The following SNTG2 variants were observed in gnomAD, a reference collection of about 807,000 sequenced individuals.
SNTG2 encodes the protein syntrophin gamma 2.
A neutral mutation model predicts 70.9 loss-of-function variants in SNTG2; 74 were observed. The ratio of observed to expected loss-of-function variants is 1.04; its 90% CI spans 0.86 to 1.27. The LOEUF (loss-of-function observed/expected upper bound fraction) is 1.27. Ranked by LOEUF, SNTG2 falls within the 50% of genes most tolerant of loss-of-function variation. The pLI, the probability that SNTG2 is intolerant of heterozygous loss-of-function variation, is 0.00. For missense variants in SNTG2, 717 were observed against 690.7 expected, an observed-to-expected ratio of 1.04 and a Z score of -0.43; for synonymous variants, 278 against 273.8, an observed-to-expected ratio of 1.02 and a Z score of -0.15.
chr2:1,310,801 C>T (rs1268860762), intron 15 of SNTG2, among the ~76,000 whole-genome samples: 1 of 152,170 alleles, frequency 6.6e-6, no homozygotes, highest in African/African-American at 2.4e-5. Flanking sequence ...GAACTGTCTC[C>T]AGAGTCAGCC....
At chr2:968,056 G>C (rs956505359) in intron 1 of SNTG2, among the ~76,000 whole-genome samples, 1 of 151,688 alleles carries the variant, frequency 6.6e-6, no homozygotes, top group Non-Finnish European at 1.5e-5. Flanking sequence ...TCTTTTTATA[G>C]TTCCACAGAT....
chr2:1,100,067 A>G (rs572714274), intron 4 of SNTG2, among the ~76,000 whole-genome samples: 1 of 152,326 alleles, frequency 6.6e-6, no homozygotes, highest in African/African-American at 2.4e-5. Flanking sequence ...AAGTGTGATA[A>G]GAAATACAGG....
chr2:1,119,575 AAAT>A (rs1667253956), intron 4 of SNTG2, among the ~76,000 whole-genome samples: 1 of 151,588 alleles, frequency 6.6e-6, no homozygotes, highest in Non-Finnish European at 1.5e-5. Context: ...TTGTATAAAA[AAAT>A]GTAAGTTGTC....
intron 10 of SNTG2, among the ~76,000 whole-genome samples, chr2:1,238,617 G>A (rs1676841048): frequency 6.6e-6 from 1 of 152,226 alleles, no homozygotes. Flanking sequence ...CACGGGCGTT[G>A]CCTGGAGTGA....
chr2:1,259,366 G>T lies in SNTG2; in HGVS notation c.1006-4G>T, dbSNP rs767039411. The T allele has an allele frequency of 2.5e-6, 4 of 1,613,676 alleles. No individual in the cohort carries two copies. The highest frequency in any genetic ancestry group is 1.1e-5 in the South Asian group (1 of 90,982). ...TTTCATGGAACGTTCTCTGTTTCTT[G>T]CAGGTGAGCACATTCGATTGGGTGC... On this transcript the variant is annotated splice_region_variant and splice_polypyrimidine_tract_variant and intron_variant, in intron 12 of 16. Coordinates refer to ENST00000308624, the MANE Select transcript of SNTG2 (RefSeq NM_018968.4).
chr2:1,206,324 G>A (rs1673631941), intron 8 of SNTG2, among the ~76,000 whole-genome samples: 1 of 152,162 alleles, frequency 6.6e-6, no homozygotes, highest in Admixed American at 6.5e-5. Flanking sequence ...CGGGCACCCT[G>A]CACATACTCT....
At chr2:986,067 T>TAGAGAGAGAA (rs1661306529) in intron 1 of SNTG2, among the ~76,000 whole-genome samples, 1 of 129,718 alleles carries the variant, frequency 7.7e-6, no homozygotes, top group Non-Finnish European at 1.6e-5. Flanking sequence ...CTGCAAATAA[T>TAGAGAGAGAA]AGAGAGAGAG....
intron 1 of SNTG2, among the ~76,000 whole-genome samples, chr2:1,036,373 G>C (rs567067494): frequency 6.6e-6 from 1 of 151,204 alleles, no homozygotes; most frequent in East Asian, 1.9e-4. Context: ...TTTCTCAAAC[G>C]TTTAGAAGAA....
chr2:1,205,072 C>CT (rs1673546375), intron 8 of SNTG2, among the ~76,000 whole-genome samples: 1 of 151,680 alleles, frequency 6.6e-6, no homozygotes, highest in Non-Finnish European at 1.5e-5. Context: ...TTTTTTTAAC[C>CT]TTTTTATATT....
intron 13 of SNTG2, among the ~76,000 whole-genome samples, chr2:1,264,822 A>G (rs1413992140): frequency 6.6e-6 from 1 of 152,164 alleles, no homozygotes; most frequent in Non-Finnish European, 1.5e-5. Flanking sequence ...CAGCCTCCCA[A>G]TTAGTTGTGA....
intron 7 of SNTG2, among the ~76,000 whole-genome samples, chr2:1,169,392 G>T (rs67354056): frequency 6.6e-6 from 1 of 152,032 alleles, no homozygotes; most frequent in Admixed American, 6.5e-5. Flanking sequence ...TGGGTGCTGC[G>T]TCTAAGCCAG....
intron 16 of SNTG2, among the ~76,000 whole-genome samples, chr2:1,329,093 T>C (rs190431688): frequency 6.6e-6 from 1 of 152,306 alleles, no homozygotes; most frequent in African/African-American, 2.4e-5. Flanking sequence ...GGTTTTTTTT[T>C]CTTTTTTCTT....
At chr2:1,158,692 G>T (rs988887843) in intron 6 of SNTG2, among the ~76,000 whole-genome samples, 6 of 152,188 alleles carry the variant, frequency 3.9e-5, no homozygotes, top group Admixed American at 6.5e-5. Flanking sequence ...AAAGGTGTGT[G>T]CAGGGAAGGG....
intron 14 of SNTG2, among the ~76,000 whole-genome samples, chr2:1,278,413 G>A (rs1388989172): frequency 6.6e-6 from 1 of 152,164 alleles, no homozygotes; most frequent in African/African-American, 2.4e-5. Context: ...GGCACCAGGT[G>A]CTAGTGAGGT....
chr2:1,185,798 C>A (rs562492109), intron 8 of SNTG2, among the ~76,000 whole-genome samples: 1 of 152,312 alleles, frequency 6.6e-6, no homozygotes, highest in African/African-American at 2.4e-5. Context: ...CTAAGAAGGT[C>A]CCTGAAATGT....
chr2:1,137,588 TC>T (rs1364755709), intron 4 of SNTG2, 33 bp from the exon 5 acceptor site: 3 of 1,607,594 alleles, frequency 1.9e-6, no homozygotes, highest in Non-Finnish European at 2.5e-6. Context: ...CTGAGATTTC[TC>T]TTAAAACTGT....
intron 4 of SNTG2, among the ~76,000 whole-genome samples, chr2:1,120,991 G>T (rs1034127742): frequency 5.3e-5 from 8 of 151,492 alleles, no homozygotes; most frequent in African/African-American, 1.9e-4. Context: ...CACATGGATA[G>T]ACCATATATT....
At position 1,231,329 on chromosome 2, in the gene SNTG2, C is replaced by T. The variant is rs181320244; in HGVS notation, c.720-6559C>T. Among the ~76,000 whole-genome samples the T allele has an allele frequency of 1.8e-3, 280 of 152,254 alleles. 4 individuals carry two copies. The highest frequency in any genetic ancestry group is 3.0e-3 in the Non-Finnish European group (203 of 68,016). ...CAATGCCTCTTCCATAGGGTCACTGCGGGGGTGAAATAGATCCGAAACGTG... is the reference window on the plus strand; with the variant it reads ...CAATGCCTCTTCCATAGGGTCACTGTGGGGGTGAAATAGATCCGAAACGTG... On this transcript the variant is annotated intron_variant, in intron 9 of 16. Coordinates refer to ENST00000308624, the MANE Select transcript of SNTG2 (RefSeq NM_018968.4).
chr2:952,365 A>T (rs922194888), intron 1 of SNTG2, among the ~76,000 whole-genome samples: 1 of 152,236 alleles, frequency 6.6e-6, no homozygotes, highest in African/African-American at 2.4e-5. Flanking sequence ...ATTCGAGCAA[A>T]GCAATTCTTG....
Sources: allele counts gnomAD v4.1 joint callset (sites outside exome capture counted in the v4.1 genomes callset), GRCh38; gene constraint gnomAD v4.1.1; transcripts MANE v1.5; gene names NCBI Gene and HGNC (gene_info 2026-07-23, HGNC 2026-07-21).